ANKRD17: variants seen among roughly 807,000 people sequenced by gnomAD.
ANKRD17 encodes ankyrin repeat domain 17.
In ANKRD17, 19 loss-of-function variants were observed where a neutral mutation model predicts 229.7. The observed-to-expected ratio is 0.08, with a 90% CI of 0.06 to 0.12. The LOEUF (loss-of-function observed/expected upper bound fraction) is 0.12. Among genes scored for constraint, ANKRD17 ranks in the 10% least tolerant of loss-of-function variants. ANKRD17 has a pLI of 1.00. For missense variants in ANKRD17, 2,176 were observed against 3,176.8 expected (o/e 0.68, Z 7.57); for synonymous variants, 1,112 against 1,146.1 (o/e 0.97, Z 0.60).
At chr4:73,217,582 G>C (rs1741246310) in intron 1 of ANKRD17, among the ~76,000 whole-genome samples, 1 of 151,602 alleles carries the variant, frequency 6.6e-6, no homozygotes, top group Admixed American at 6.6e-5. Context: ...GGCTGGTCTT[G>C]AACTCCTGGG....
At chr4:73,186,971 C>T (rs1054703807) in intron 1 of ANKRD17, among the ~76,000 whole-genome samples, 2 of 151,908 alleles carry the variant, frequency 1.3e-5, no homozygotes, top group Non-Finnish European at 2.9e-5. Flanking sequence ...CAGATACACA[C>T]ACACACATAT....
intron 2 of ANKRD17, among the ~76,000 whole-genome samples, chr4:73,175,740 G>C (rs1186962858): frequency 6.6e-6 from 1 of 152,048 alleles, no homozygotes; most frequent in African/African-American, 2.4e-5. Context: ...TGCTGGGAAA[G>C]CTGGATATCC....
chr4:73,204,922 C>T (rs947830921), intron 1 of ANKRD17, among the ~76,000 whole-genome samples: 2 of 151,886 alleles, frequency 1.3e-5, no homozygotes, highest in Non-Finnish European at 2.9e-5. Context: ...TCACAAAATA[C>T]TTTTTTTGTG....
chr4:73,254,959 T>C (rs2149291012), intron 1 of ANKRD17, among the ~76,000 whole-genome samples: 1 of 152,320 alleles, frequency 6.6e-6, no homozygotes, highest in African/African-American at 2.4e-5. Flanking sequence ...GGCTTTTATG[T>C]TAGAAAATAT....
Position 73,245,979 on chromosome 4 carries a change from C to A in ANKRD17, c.393+12297G>T, listed in dbSNP as rs553040379. 3.3e-5 allele frequency among the ~76,000 whole-genome samples: 5 copies of A among 152,278 alleles called. No individual in the cohort carries two copies. In the East Asian group the frequency reaches 7.7e-4, roughly 23 times the overall value. The stretch of plus-strand genomic sequence containing the variant: ...TGAACTTTAAGTAACCCTACCGGCC[C>A]TGCATCTATACCAACAGGTAGGGGG... On this transcript the variant is annotated intron_variant, in intron 1 of 33. Transcript: ENST00000358602.
intron 1 of ANKRD17, among the ~76,000 whole-genome samples, chr4:73,212,170 CAAG>C (rs1362856244): frequency 1.3e-5 from 2 of 152,024 alleles, no homozygotes; most frequent in African/African-American, 4.8e-5. Flanking sequence ...TTTCACTGTA[CAAG>C]AATAACTCAA....
rs563092717 is a variant in ANKRD17, at chr4:73,150,180, C to T, written c.1330-1130G>A. ...TTCTTCAGTGCTGAATCTTCTTCCT[C>T]GATAGCGAACTCCCACATTTCCTTT... On this transcript the variant is annotated intron_variant, in intron 7 of 33. Transcript: ENST00000358602. Among the ~76,000 whole-genome samples, 80 of 152,176 alleles carry T rather than the reference C, an allele frequency of 5.3e-4. No individual in the cohort carries two copies. In the South Asian group the frequency reaches 0.016, roughly 30 times the overall value.
At chr4:73,251,709 G>T (rs1389210089) in intron 1 of ANKRD17, among the ~76,000 whole-genome samples, 1 of 151,834 alleles carries the variant, frequency 6.6e-6, no homozygotes. Flanking sequence ...AATTATGAAG[G>T]TCCTCATTAA....
intron 1 of ANKRD17, among the ~76,000 whole-genome samples, chr4:73,250,612 A>AAAAC: frequency 6.7e-6 from 1 of 148,804 alleles, no homozygotes; most frequent in African/African-American, 2.5e-5. Context: ...AAAAAAAAAA[A>AAAAC]AAACAGAAAA....
chr4:73,225,656 C>T (rs541631954), intron 1 of ANKRD17, among the ~76,000 whole-genome samples: 1 of 151,778 alleles, frequency 6.6e-6, no homozygotes, highest in Non-Finnish European at 1.5e-5. Flanking sequence ...GTCAGGAGTT[C>T]GAGAAGAGTC....
intron 1 of ANKRD17, among the ~76,000 whole-genome samples, chr4:73,234,582 C>CTTAA (rs2149247840): frequency 6.6e-6 from 1 of 152,294 alleles, no homozygotes; most frequent in African/African-American, 2.4e-5. Flanking sequence ...AAGAACAGTA[C>CTTAA]AATTTAAGCA....
chr4:73,113,513 A>G (rs1225186982), intron 24 of ANKRD17, among the ~76,000 whole-genome samples: 1 of 152,256 alleles, frequency 6.6e-6, no homozygotes, highest in African/African-American at 2.4e-5. Flanking sequence ...TTAAGAGATC[A>G]TTAGCTGAGA....
At chr4:73,127,303 A>G (rs751044738) in intron 16 of ANKRD17, among the ~76,000 whole-genome samples, 2 of 152,228 alleles carry the variant, frequency 1.3e-5, no homozygotes, top group Non-Finnish European at 2.9e-5. Flanking sequence ...GTATGAAATA[A>G]AAATGTAAAT....
intron 28 of ANKRD17, 83 bp from the exon 29 acceptor site, chr4:73,092,383 C>G (rs1282796193): frequency 9.3e-6 from 10 of 1,072,860 alleles, no homozygotes; most frequent in Admixed American, 2.7e-5. Flanking sequence ...TTTATGTACA[C>G]AAACACACAC....
intron 16 of ANKRD17, among the ~76,000 whole-genome samples, chr4:73,126,939 C>G (rs376688016): frequency 2.0e-5 from 3 of 152,052 alleles, no homozygotes; most frequent in East Asian, 1.9e-4. Context: ...TGACTATTAG[C>G]ATTTGAAATA....
rs537754958 is a variant in ANKRD17, at chr4:73,193,570, T to A, written c.394-16037A>T. ...ACTCTGCTTTTCCCTAATGGCTAAT[T>A]AATGGTGTTGAACACCTTTATCTTG... On this transcript the variant is annotated intron_variant, in intron 1 of 33. Transcript: ENST00000358602. Among the ~76,000 whole-genome samples the A allele has an allele frequency of 1.2e-4, 18 of 152,328 alleles. No homozygotes were observed. The East Asian group carries it at 2.5e-3, about 21-fold the overall frequency.
At chr4:73,192,101 C>G (rs768932500) in intron 1 of ANKRD17, among the ~76,000 whole-genome samples, 26 of 152,056 alleles carry the variant, frequency 1.7e-4, no homozygotes, top group Non-Finnish European at 3.2e-4. Flanking sequence ...CCTCTCATCT[C>G]TTTTGCCTAC....
At chr4:73,182,817 T>C (rs1412414342) in intron 1 of ANKRD17, among the ~76,000 whole-genome samples, 4 of 152,186 alleles carry the variant, frequency 2.6e-5, no homozygotes, top group Non-Finnish European at 5.9e-5. Context: ...TTGGACCAGA[T>C]AATTCTTTGT....
rs773870644 is a variant in ANKRD17 at position 73,090,765 on chromosome 4, G to C, written c.6863C>G (p.Ser2288Cys). 5 of 1,614,160 alleles carry C rather than the reference G, an allele frequency of 3.1e-6. No homozygotes were observed. The Admixed American group carries it at 8.3e-5, about 27-fold the overall frequency. ...STPESMLSGK[S>C]SYLPNSDPLH... ...AGGATCTGAATTTGGCAAATATGAG[G>C]ATTTTCCTGATAGCATAGATTCTGG... The change falls in exon 29 of 34, where the codon TCC becomes TGC. Residue 2288 changes from serine to cysteine, a missense_variant. Around this residue, in one of 18 missense-constraint regions of ANKRD17, gnomAD observed 424 missense variants for 454.0 expected, o/e 0.93. Coordinates refer to ENST00000358602, the MANE Select transcript of ANKRD17 (RefSeq NM_032217.5).
Sources: gnomAD v4.1 joint callset for allele counts (sites outside exome capture counted in the v4.1 genomes callset) on GRCh38, gnomAD v4.1.1 for gene constraint, gnomAD v4.1.1 regional missense constraint, MANE v1.5 for transcripts, NCBI Gene and HGNC (gene_info 2026-07-23, HGNC 2026-07-21) for gene names.